NME8: variants seen among roughly 807,000 people sequenced by gnomAD.
NME8 encodes the protein protein NME8.
A neutral mutation model predicts 82.3 loss-of-function variants in NME8; 72 were observed. The observed-to-expected ratio is 0.87, with a 90% CI of 0.72 to 1.06. The LOEUF is 1.06. Ranked by LOEUF, NME8 falls within the 50% of genes least tolerant of loss-of-function variation. The probability of loss-of-function intolerance (pLI) is 0.00; values close to 1 mark genes in which losing one functional copy is unlikely to be tolerated. For missense variants in NME8, 712 were observed against 685.4 expected, an observed-to-expected ratio of 1.04 and a Z score of -0.43; for synonymous variants, 267 against 228.5, an observed-to-expected ratio of 1.17 and a Z score of -1.52.
intron 11 of NME8, among the ~76,000 whole-genome samples, chr7:37,875,160 C>A (rs1220742626): frequency 6.6e-6 from 1 of 152,014 alleles, no homozygotes; most frequent in Non-Finnish European, 1.5e-5. Flanking sequence ...TCATGAAAGA[C>A]AAAAGAGGTT....
At chr7:37,867,106 C>T (rs1165159401) in intron 10 of NME8, among the ~76,000 whole-genome samples, 1 of 152,146 alleles carries the variant, frequency 6.6e-6, no homozygotes, top group Non-Finnish European at 1.5e-5. Flanking sequence ...ATCAGATGTG[C>T]ATTTGTGTCT....
intron 13 of NME8, 40 bp downstream of exon 13, chr7:37,884,487 T>G (rs770453401): frequency 2.5e-6 from 4 of 1,569,800 alleles, no homozygotes; most frequent in Non-Finnish European, 3.5e-6. Context: ...GATTTATTTT[T>G]GAATCATGTA....
rs10488617 is a variant in NME8 at position 37,897,431 on chromosome 7, T to C, written c.*15+324T>C. On this transcript the variant is annotated intron_variant, in intron 17 of 17. Transcript: ENST00000199447. ...TGAGCTGTGGTGTCTTCTACCATGA[T>C]ATAAAAAGCCTCATGCAGTCCCTCT... 0.23 allele frequency among the ~76,000 whole-genome samples: 34,822 copies of C among 152,078 alleles called. 4,007 individuals carry two copies. The highest frequency in any genetic ancestry group is 0.24 in the Non-Finnish European group (15,987 of 67,984).
intron 11 of NME8, among the ~76,000 whole-genome samples, chr7:37,869,989 A>G (rs113212795): frequency 2.0e-5 from 3 of 152,264 alleles, no homozygotes; most frequent in Non-Finnish European, 2.9e-5. Context: ...TCCTCTCCCT[A>G]TAAGACCAAG....
rs370705490 is a variant in NME8 at position 37,862,013 on chromosome 7, T to G, written c.271-15T>G. On this transcript the variant is annotated splice_polypyrimidine_tract_variant and intron_variant, in intron 6 of 17. Transcript: ENST00000199447. ...CCAAATGAAAGTTCCCCTCCTGTTT[T>G]CATTTCCCTTATAGAATGGCAAAAT... is the stretch of plus-strand genomic sequence containing the variant. The G allele has an allele frequency of 1.4e-5, 22 of 1,560,018 alleles. No homozygotes were observed. The African/African-American group carries it at 2.6e-4, about 18-fold the overall frequency.
At chr7:37,852,859 G>C (rs1266052561) in intron 5 of NME8, among the ~76,000 whole-genome samples, 2 of 152,178 alleles carry the variant, frequency 1.3e-5, no homozygotes, top group Non-Finnish European at 2.9e-5. Context: ...ATACCAAGGA[G>C]TAAGATTGCT....
chr7:37,853,315 G>A (rs2598038), intron 5 of NME8, among the ~76,000 whole-genome samples: 138,467 of 152,136 alleles, frequency 0.91, 63,297 homozygotes, highest in Non-Finnish European at 0.95. Context: ...TTTTAAAGAC[G>A]AGATTCTGTA....
intron 11 of NME8, among the ~76,000 whole-genome samples, chr7:37,869,364 G>T (rs1373356440): frequency 6.6e-6 from 1 of 152,122 alleles, no homozygotes; most frequent in African/African-American, 2.4e-5. Context: ...GGTAGGGTGT[G>T]TTAAGTTTAA....
At chr7:37,894,224 A>G (rs565470536) in intron 15 of NME8, among the ~76,000 whole-genome samples, 46 of 152,240 alleles carry the variant, frequency 3.0e-4, no homozygotes, top group East Asian at 7.7e-4. Context: ...CTTGTGGCCT[A>G]CTAGGTGTTT....
intron 12 of NME8, among the ~76,000 whole-genome samples, chr7:37,883,987 C>CACACACA (rs374127636): frequency 1.4e-5 from 2 of 144,630 alleles, no homozygotes; most frequent in Non-Finnish European, 3.0e-5. Context: ...ACACACACAC[C>CACACACA]CACACAATCA....
In NME8 at chr7:37,865,554, A is replaced by T; in HGVS notation, c.558A>T (p.Ala186=). 1 of 1,613,026 alleles carries T rather than the reference A, an allele frequency of 6.2e-7. No individual in the cohort carries two copies. Among genetic ancestry groups the T allele is most frequent in the African/African-American group, 1.3e-5 (1 of 75,028 alleles). ...KITKAGFIIE[A]EHKTVLTEEQ... ...CCAAAGCTGGATTTATTATAGAAGC[A>T]GAGCATAAGACAGTGCTCACTGAAG... is the stretch of plus-strand genomic sequence containing the variant. Residue 186 remains alanine (A), a synonymous_variant, in exon 10 of 18, where the codon GCA becomes GCT. Transcript: ENST00000199447.
intron 11 of NME8, among the ~76,000 whole-genome samples, chr7:37,873,189 G>A (rs1333241073): frequency 2.6e-5 from 4 of 151,908 alleles, no homozygotes; most frequent in Non-Finnish European, 4.4e-5. Context: ...GTGAAACCCC[G>A]TCTCTACTAA....
intron 2 of NME8, among the ~76,000 whole-genome samples, chr7:37,849,623 C>T (rs989079842): frequency 6.6e-6 from 1 of 152,130 alleles, no homozygotes; most frequent in Non-Finnish European, 1.5e-5. Flanking sequence ...GTAATCCCAG[C>T]ACTCTGGGAG....
chr7:37,878,907 C>T lies in NME8; in HGVS notation c.994+1900C>T, dbSNP rs148333750. Among the ~76,000 whole-genome samples the T allele has an allele frequency of 1.3e-3, 203 of 152,156 alleles. 3 individuals carry two copies. The highest frequency in any genetic ancestry group is 2.2e-3 in the African/African-American group (93 of 41,522). On this transcript the variant is annotated intron_variant, in intron 12 of 17. Transcript: ENST00000199447. Reference sequence around the variant, plus strand: ...AGTCCATAGTTTACATTAAGTTTCACTCTTTATTTTGTTCATCCTATGGAT... The same window carrying T: ...AGTCCATAGTTTACATTAAGTTTCATTCTTTATTTTGTTCATCCTATGGAT...
chr7:37,887,653 A>G (rs1320420127), intron 14 of NME8, among the ~76,000 whole-genome samples: 1 of 152,198 alleles, frequency 6.6e-6, no homozygotes, highest in Non-Finnish European at 1.5e-5. Flanking sequence ...GGGCATCTAT[A>G]TCAGTCTGTT....
chr7:37,867,642 C>T, intron 10 of NME8, 60 bp from the exon 11 acceptor site: 1 of 1,320,610 alleles, frequency 7.6e-7, no homozygotes, highest in Non-Finnish European at 1.1e-6. Context: ...GTAGTGACCA[C>T]CATTTTAGTC....
At chr7:37,876,501 GA>G (rs1442302255) in intron 11 of NME8, among the ~76,000 whole-genome samples, 6 of 151,766 alleles carry the variant, frequency 4.0e-5, no homozygotes, top group African/African-American at 1.4e-4. Context: ...AGATTAAAAA[GA>G]AAATTAAAAA....
At chr7:37,893,988 C>G (rs1234579720) in intron 15 of NME8, among the ~76,000 whole-genome samples, 3 of 152,108 alleles carry the variant, frequency 2.0e-5, no homozygotes, top group African/African-American at 2.4e-5. Context: ...GTTGGTTCAC[C>G]TTTGTCTCTA....
At chr7:37,855,115 ATGT>A (rs1784492928) in intron 5 of NME8, among the ~76,000 whole-genome samples, 1 of 152,066 alleles carries the variant, frequency 6.6e-6, no homozygotes, top group East Asian at 1.9e-4. Flanking sequence ...TGAATTATAG[ATGT>A]TGTGTTTGGA....
Sources: allele counts gnomAD v4.1 joint callset (sites outside exome capture counted in the v4.1 genomes callset), GRCh38; gene constraint gnomAD v4.1.1; transcripts MANE v1.5; gene names NCBI Gene and HGNC (gene_info 2026-07-23, HGNC 2026-07-21).